The following COL14A1 variants were observed in gnomAD, a reference collection of about 807,000 sequenced individuals.
COL14A1 encodes the protein collagen type XIV alpha 1 chain, also known as collagen alpha-1(XIV) chain.
In COL14A1, 136 loss-of-function variants were observed where a neutral mutation model predicts 230.3. The observed-to-expected ratio is 0.59, with a 90% confidence interval of 0.51 to 0.68. The LOEUF is 0.68. Ranked by LOEUF, COL14A1 falls within the 30% of genes least tolerant of loss-of-function variation. The pLI is 0.00. For missense variants in COL14A1, 1,976 were observed against 2,215.8 expected (o/e 0.89, Z 2.17); for synonymous variants, 792 against 784.1 (o/e 1.01, Z -0.17).
intron 3 of COL14A1, among the ~76,000 whole-genome samples, chr8:120,161,944 C>T (rs1003762995): frequency 2.6e-5 from 4 of 152,196 alleles, no homozygotes; most frequent in African/African-American, 9.7e-5. Context: ...GGATTACAGG[C>T]GTGAGCCTCC....
chr8:120,172,606 T>G (rs1185997461), intron 5 of COL14A1, among the ~76,000 whole-genome samples: 1 of 152,208 alleles, frequency 6.6e-6, no homozygotes, highest in Non-Finnish European at 1.5e-5. Context: ...TGGTTGCTAC[T>G]AACCTGGAAA....
chr8:120,340,498 A>G (rs1822256827), intron 42 of COL14A1, among the ~76,000 whole-genome samples: 1 of 152,214 alleles, frequency 6.6e-6, no homozygotes, highest in Non-Finnish European at 1.5e-5. Context: ...CAACGTGGCA[A>G]ATTCCATTAA....
chr8:120,204,012 A>G (rs1335039566), intron 9 of COL14A1, 142 bp downstream of exon 9: 5 of 690,086 alleles, frequency 7.2e-6, no homozygotes, highest in East Asian at 2.8e-5. Flanking sequence ...GTCAGAGTAG[A>G]AAAGGGAGTA....
intron 16 of COL14A1, 78 bp downstream of exon 16, chr8:120,226,844 T>A: frequency 7.6e-7 from 1 of 1,313,600 alleles, no homozygotes; most frequent in Non-Finnish European, 1.1e-6. Context: ...GGTCTTCACT[T>A]TAAAATATAT....
chr8:120,279,343 A>AATATATAT (rs556632458), intron 28 of COL14A1, among the ~76,000 whole-genome samples: 4 of 150,658 alleles, frequency 2.7e-5, no homozygotes, highest in African/African-American at 9.8e-5. Context: ...ATATTGATTG[A>AATATATAT]ATGTATATAT....
rs184819918 is a variant in COL14A1, at chr8:120,319,558, G to A, written c.4659+3561G>A. ...ACCTTGACTGAAAGCTTATGGAAAG[G>A]TTAGCACCCCTTTCCTGAAGCTGAA... is the stretch of plus-strand genomic sequence containing the variant. On this transcript the variant is annotated intron_variant, in intron 40 of 47. Transcript: ENST00000297848. 2.6e-5 allele frequency among the ~76,000 whole-genome samples: 4 copies of A among 152,270 alleles called. No homozygotes were observed. The South Asian group carries it at 8.3e-4, about 32-fold the overall frequency.
chr8:120,203,923 C>T (rs1167290386), intron 9 of COL14A1, 53 bp downstream of exon 9: 2 of 1,527,274 alleles, frequency 1.3e-6, no homozygotes, highest in Non-Finnish European at 1.8e-6. Flanking sequence ...GGTGCACAAG[C>T]CTATTGTGAA....
chr8:120,309,408 G>A (rs551351682), intron 36 of COL14A1, among the ~76,000 whole-genome samples: 75 of 152,150 alleles, frequency 4.9e-4, no homozygotes, highest in African/African-American at 1.8e-3. Flanking sequence ...AGACACATAT[G>A]AACATATATA....
At position 120,371,332 on chromosome 8, in the gene COL14A1, G is replaced by A; in HGVS notation, c.*101G>A. On this transcript the variant is annotated 3_prime_UTR_variant, in exon 48 of 48. Coordinates refer to ENST00000297848, the MANE Select transcript of COL14A1 (RefSeq NM_021110.4). The stretch of plus-strand genomic sequence containing the variant: ...TTTGTATGCTACTTTTGGGGGGCAG[G>A]GCTCATTTCAGCAGCCTAAATCTCC... The A allele has an allele frequency of 1.3e-6, 1 of 746,770 alleles. No homozygotes were observed. Among genetic ancestry groups the A allele is most frequent in the South Asian group, 2.5e-5 (1 of 39,578 alleles). The allele number at this position is 746,770 out of a possible 1,614,324, so 46.3% of individuals were successfully genotyped here.
At chr8:120,307,669 A>G (rs1563729474) in intron 36 of COL14A1, among the ~76,000 whole-genome samples, 2 of 152,240 alleles carry the variant, frequency 1.3e-5, no homozygotes, top group African/African-American at 4.8e-5. Context: ...GAAAAGATAC[A>G]TAATCATAAT....
In COL14A1 at chr8:120,371,839, G is replaced by A. The variant is rs1297617551; in HGVS notation, c.*608G>A. 1.6e-5 allele frequency: 6 copies of A among 381,650 alleles called. No individual in the cohort carries two copies. The highest frequency in any genetic ancestry group is 2.3e-5 in the Non-Finnish European group (5 of 215,084). The allele number at this position is 381,650 out of a possible 1,614,324, so 23.6% of individuals were successfully genotyped here. Reference sequence around the variant, plus strand: ...TTTAAGAAACAGATTTAGTTTTTCAGTGGTTTTAACTCATGTGAAATAATG... The same window carrying A: ...TTTAAGAAACAGATTTAGTTTTTCAATGGTTTTAACTCATGTGAAATAATG... On this transcript the variant is annotated 3_prime_UTR_variant, in exon 48 of 48. Transcript: ENST00000297848.
chr8:120,347,026 C>G (rs1175984070), intron 45 of COL14A1, among the ~76,000 whole-genome samples: 3 of 152,146 alleles, frequency 2.0e-5, no homozygotes, highest in Non-Finnish European at 2.9e-5. Context: ...GAATGTGGCC[C>G]CCTCTGTCAG....
In COL14A1 at chr8:120,231,625, A is replaced by G. The variant is rs1818270653; in HGVS notation, c.2349+7A>G. On this transcript the variant is annotated splice_region_variant and intron_variant, in intron 19 of 47. Transcript: ENST00000297848. ...GGAAGAAGTCATAGGAACGGTCTGT[A>G]TAAATTCAACTGACTAGAAACTCTG... 3 of 1,611,420 alleles carry G rather than the reference A, an allele frequency of 1.9e-6. No individual in the cohort carries two copies. Among genetic ancestry groups the G allele is most frequent in the South Asian group, 1.1e-5 (1 of 90,448 alleles).
At chr8:120,164,003 G>A (rs568722551) in intron 4 of COL14A1, among the ~76,000 whole-genome samples, 70 of 152,224 alleles carry the variant, frequency 4.6e-4, no homozygotes, top group South Asian at 2.1e-3. Flanking sequence ...TGTTTCAAAT[G>A]TGAAGGATAA....
At chr8:120,166,920 G>GTGTGGTGGTGATGA (rs1408587686) in intron 4 of COL14A1, among the ~76,000 whole-genome samples, 1 of 144,426 alleles carries the variant, frequency 6.9e-6, no homozygotes, top group African/African-American at 2.7e-5. Context: ...GTGTGTGTGT[G>GTGTGGTGGTGATGA]TGGTGGTGAT....
intron 23 of COL14A1, among the ~76,000 whole-genome samples, chr8:120,261,047 G>T (rs1819306606): frequency 6.6e-6 from 1 of 152,054 alleles, no homozygotes. Context: ...GTACACTAGG[G>T]AAATAATAGT....
At chr8:120,223,337 C>T (rs1004133840) in intron 14 of COL14A1, among the ~76,000 whole-genome samples, 1 of 152,150 alleles carries the variant, frequency 6.6e-6, no homozygotes. Context: ...TCCCCTGAAC[C>T]TCAGGTAGCA....
chr8:120,127,053 A>C (rs1814365987), intron 1 of COL14A1, among the ~76,000 whole-genome samples: 1 of 152,188 alleles, frequency 6.6e-6, no homozygotes, highest in African/African-American at 2.4e-5. Context: ...TTAGCACCCC[A>C]AAAAGAAACC....
chr8:120,172,623 A>G (rs1217864125), intron 5 of COL14A1, among the ~76,000 whole-genome samples: 1 of 152,136 alleles, frequency 6.6e-6, no homozygotes, highest in Non-Finnish European at 1.5e-5. Flanking sequence ...GAAATCCTCT[A>G]TGTTAATTTC....
Sources: allele counts gnomAD v4.1 joint callset (sites outside exome capture counted in the v4.1 genomes callset), GRCh38; gene constraint gnomAD v4.1.1; transcripts MANE v1.5; gene names NCBI Gene and HGNC (gene_info 2026-07-23, HGNC 2026-07-21).